GNAZ: variants seen among roughly 807,000 people sequenced by gnomAD.
GNAZ encodes G protein subunit alpha z.
Under a neutral mutation model 25.4 loss-of-function variants are expected in GNAZ, and 3 were observed. The ratio of observed to expected loss-of-function variants is 0.12; its 90% CI spans 0.05 to 0.30. The LOEUF is 0.30. Among genes scored for constraint, GNAZ ranks in the 10% least tolerant of loss-of-function variants. The probability of loss-of-function intolerance (pLI) is 1.00; values close to 1 mark genes in which losing one functional copy is unlikely to be tolerated. For missense variants in GNAZ, 241 were observed against 501.8 expected, an observed-to-expected ratio of 0.48 and a Z score of 4.97; for synonymous variants, 211 against 205.7, an observed-to-expected ratio of 1.03 and a Z score of -0.22.
At chr22:23,109,584 A>T (rs1209418911) in intron 2 of GNAZ, among the ~76,000 whole-genome samples, 1 of 152,084 alleles carries the variant, frequency 6.6e-6, no homozygotes, top group East Asian at 1.9e-4. Context: ...ACCAGTGTGG[A>T]GTTGAGAGCC....
chr22:23,098,535 G>C (rs529430584), intron 2 of GNAZ, among the ~76,000 whole-genome samples: 2 of 152,348 alleles, frequency 1.3e-5, no homozygotes, highest in African/African-American at 4.8e-5. Flanking sequence ...GAGGTTCCAG[G>C]CATTCAAGGC....
chr22:23,111,292 G>A (rs758716480), intron 2 of GNAZ, among the ~76,000 whole-genome samples: 6 of 152,210 alleles, frequency 3.9e-5, no homozygotes, highest in African/African-American at 1.2e-4. Context: ...CTCCTGTGAC[G>A]TGGCTGGCTC....
At chr22:23,089,911 G>A (rs375343410) in intron 1 of GNAZ, among the ~76,000 whole-genome samples, 41 of 152,274 alleles carry the variant, frequency 2.7e-4, no homozygotes, top group African/African-American at 9.9e-4. Context: ...GAGGAGGCAG[G>A]CAGGTGCAGA....
intron 1 of GNAZ, among the ~76,000 whole-genome samples, chr22:23,090,040 C>T (rs905473482): frequency 4.6e-5 from 7 of 152,128 alleles, no homozygotes; most frequent in Admixed American, 3.9e-4. Flanking sequence ...ATTTGCCACA[C>T]CCTTCACGCT....
intron 1 of GNAZ, among the ~76,000 whole-genome samples, chr22:23,085,759 A>T (rs899971821): frequency 3.9e-5 from 6 of 152,238 alleles, no homozygotes; most frequent in African/African-American, 1.2e-4. Context: ...TTGTGTCCCC[A>T]GGAGGCACGG....
intron 1 of GNAZ, among the ~76,000 whole-genome samples, chr22:23,091,510 A>ATGCACACACACCGCAATAGACC (rs2068975526): frequency 6.6e-6 from 1 of 151,960 alleles, no homozygotes; most frequent in Admixed American, 6.5e-5. Flanking sequence ...CTATGCATAC[A>ATGCACACACACCGCAATAGACC]TGCACACACA....
chr22:23,118,065 C>G (rs1018902933), intron 2 of GNAZ, among the ~76,000 whole-genome samples: 1 of 152,236 alleles, frequency 6.6e-6, no homozygotes, highest in African/African-American at 2.4e-5. Context: ...GGGCTGTCAG[C>G]TCCCCTGCTG....
Position 23,115,872 on chromosome 22 carries a change from T to G in GNAZ, c.724-7215T>G, listed in dbSNP as rs927831957. Among the ~76,000 whole-genome samples, 11 of 152,254 alleles carry G rather than the reference T, an allele frequency of 7.2e-5. 1 individual carries two copies. Among genetic ancestry groups the G allele is most frequent in the African/African-American group, 2.7e-4 (11 of 41,470 alleles). The stretch of plus-strand genomic sequence containing the variant: ...GCAGAGTTACTCATTCCTTCATCTG[T>G]GCAAGGGGAGGGTGGTGGTCATAAT... On this transcript the variant is annotated intron_variant, in intron 2 of 2. Coordinates refer to ENST00000615612, the MANE Select transcript of GNAZ (RefSeq NM_002073.4).
chr22:23,072,473 C>G (rs971702378), intron 1 of GNAZ, among the ~76,000 whole-genome samples: 1 of 152,208 alleles, frequency 6.6e-6, no homozygotes, highest in African/African-American at 2.4e-5. Context: ...ATTTCTCCCC[C>G]TCGGAAATTG....
intron 1 of GNAZ, among the ~76,000 whole-genome samples, chr22:23,090,116 C>T (rs956814538): frequency 3.9e-5 from 6 of 152,252 alleles, no homozygotes; most frequent in Middle Eastern, 3.4e-3. Flanking sequence ...TTCACTGATA[C>T]AGTCCACTCA....
chr22:23,106,205 C>G (rs1203873505), intron 2 of GNAZ, among the ~76,000 whole-genome samples: 1 of 152,230 alleles, frequency 6.6e-6, no homozygotes, highest in Non-Finnish European at 1.5e-5. Context: ...ACCTAAGACC[C>G]TGCAAGTCAG....
intron 1 of GNAZ, among the ~76,000 whole-genome samples, chr22:23,087,594 A>G (rs1316105106): frequency 6.6e-6 from 1 of 152,218 alleles, no homozygotes; most frequent in Non-Finnish European, 1.5e-5. Flanking sequence ...CCGGAGTGTT[A>G]TTATTACTCA....
At chr22:23,119,117 C>G in intron 2 of GNAZ, among the ~76,000 whole-genome samples, 1 of 152,350 alleles carries the variant, frequency 6.6e-6, no homozygotes, top group Middle Eastern at 3.4e-3. Flanking sequence ...ATAGACGGCT[C>G]TGTTTTCAGT....
intron 1 of GNAZ, among the ~76,000 whole-genome samples, chr22:23,088,949 C>T (rs554428604): frequency 1.3e-5 from 2 of 152,350 alleles, no homozygotes; most frequent in Admixed American, 6.5e-5. Flanking sequence ...CCCCCAGTCA[C>T]AGTCTGGGTA....
chr22:23,078,468 C>T (rs1264140683), intron 1 of GNAZ, among the ~76,000 whole-genome samples: 1 of 150,370 alleles, frequency 6.7e-6, no homozygotes. Context: ...CAAGGAGTCT[C>T]CTGGCCACAC....
At chr22:23,075,363 G>A (rs1021183703) in intron 1 of GNAZ, among the ~76,000 whole-genome samples, 2 of 152,192 alleles carry the variant, frequency 1.3e-5, no homozygotes, top group African/African-American at 4.8e-5. Flanking sequence ...TTCACTAAAT[G>A]TCTTGCTTCT....
chr22:23,088,167 GGCCTGCAGGTTCCCATACTCAC>G (rs1298219762), intron 1 of GNAZ, among the ~76,000 whole-genome samples: 2 of 152,198 alleles, frequency 1.3e-5, no homozygotes, highest in Non-Finnish European at 2.9e-5. Flanking sequence ...TTTCAAGCTT[GGCCTGCAGGTTCCCATACTCAC>G]GCAGCAAGTC....
Position 23,123,451 on chromosome 22 carries a change from G to T in GNAZ, c.*20G>T. 1 of 1,533,668 alleles carries T rather than the reference G, an allele frequency of 6.5e-7. No homozygotes were observed. The highest frequency in any genetic ancestry group is 9.0e-7 in the Non-Finnish European group (1 of 1,114,744). On this transcript the variant is annotated 3_prime_UTR_variant, in exon 3 of 3. Transcript: ENST00000615612. ...TGCTGAGGAGCTGGGCCCGGGGCCC[G>T]CCTGCCTATGGTGAAACCCACGGGG...
chr22:23,117,337 A>G (rs1247222079), intron 2 of GNAZ, among the ~76,000 whole-genome samples: 2 of 152,196 alleles, frequency 1.3e-5, no homozygotes, highest in South Asian at 2.1e-4. Context: ...CATTCATCAC[A>G]TCGGCCATTG....
Sources: gnomAD v4.1 joint callset for allele counts (sites outside exome capture counted in the v4.1 genomes callset) on GRCh38, gnomAD v4.1.1 for gene constraint, MANE v1.5 for transcripts, NCBI Gene and HGNC (gene_info 2026-07-23, HGNC 2026-07-21) for gene names.